SPAG16: variants seen among roughly 807,000 people sequenced by gnomAD.
SPAG16 encodes the protein sperm associated antigen 16, also known as sperm-associated antigen 16 protein.
A neutral mutation model predicts 80.4 loss-of-function variants in SPAG16; 86 were observed. The observed-to-expected ratio is 1.07, with a 90% CI of 0.90 to 1.28. The LOEUF (loss-of-function observed/expected upper bound fraction) is 1.28. SPAG16 is among the 50% of genes most tolerant of loss of function. SPAG16 has a pLI of 0.00. For missense variants in SPAG16, 870 were observed against 765.3 expected (o/e 1.14, Z -1.61); for synonymous variants, 294 against 265.9 (o/e 1.11, Z -1.03).
chr2:213,487,168 C>T (rs187426164), intron 9 of SPAG16, among the ~76,000 whole-genome samples: 2 of 152,038 alleles, frequency 1.3e-5, no homozygotes, highest in East Asian at 3.9e-4. Context: ...AACATGAGTG[C>T]CAGAGCCTTA....
intron 9 of SPAG16, among the ~76,000 whole-genome samples, chr2:213,394,462 C>T (rs902922462): frequency 1.4e-4 from 21 of 152,124 alleles, no homozygotes; most frequent in East Asian, 3.9e-4. Context: ...TTTCCCCTAA[C>T]GGTTACATCT....
chr2:214,381,396 T>TAAGAC, intron 15 of SPAG16, among the ~76,000 whole-genome samples: 1 of 152,192 alleles, frequency 6.6e-6, no homozygotes, highest in East Asian at 1.9e-4. Context: ...GCATAGAGCA[T>TAAGAC]AAGACATAAT....
At position 213,433,759 on chromosome 2, in the gene SPAG16, A is replaced by G. The variant is rs764107532; in HGVS notation, c.943-56204A>G. ...TATAAAGTATAATCTTAAAATTTATATGGAATCATAAAAGAGCCCAAATAG... is the reference window on the plus strand; with the variant it reads ...TATAAAGTATAATCTTAAAATTTATGTGGAATCATAAAAGAGCCCAAATAG... On this transcript the variant is annotated intron_variant, in intron 9 of 15. Transcript: ENST00000331683. Among the ~76,000 whole-genome samples, 18 of 152,136 alleles carry G rather than the reference A, an allele frequency of 1.2e-4. 1 individual carries two copies. The highest frequency in any genetic ancestry group is 2.4e-4 in the Non-Finnish European group (16 of 68,016).
chr2:213,601,224 A>T (rs930791477), intron 10 of SPAG16, among the ~76,000 whole-genome samples: 1 of 152,350 alleles, frequency 6.6e-6, no homozygotes, highest in Non-Finnish European at 1.5e-5. Flanking sequence ...GGAAGGGACC[A>T]GAGGTAATTG....
chr2:213,765,934 C>T (rs886587678), intron 10 of SPAG16, among the ~76,000 whole-genome samples: 5 of 152,130 alleles, frequency 3.3e-5, no homozygotes, highest in African/African-American at 9.7e-5. Flanking sequence ...CCTCAGTAAA[C>T]GAGAACAGGC....
At chr2:213,521,821 G>T (rs1314084106) in intron 10 of SPAG16, among the ~76,000 whole-genome samples, 2 of 152,320 alleles carry the variant, frequency 1.3e-5, no homozygotes, top group African/African-American at 2.4e-5. Flanking sequence ...TAAAATTTAT[G>T]TGTTACCATT....
chr2:214,286,509 G>A (rs114302794), intron 15 of SPAG16, among the ~76,000 whole-genome samples: 1 of 152,178 alleles, frequency 6.6e-6, no homozygotes, highest in Non-Finnish European at 1.5e-5. Flanking sequence ...CACTTTGTGA[G>A]GCTAAGGTGG....
At chr2:213,495,130 T>G (rs1386085853) in intron 10 of SPAG16, among the ~76,000 whole-genome samples, 2 of 152,204 alleles carry the variant, frequency 1.3e-5, no homozygotes, top group Non-Finnish European at 2.9e-5. Context: ...GATGGGTAGA[T>G]GCTCACCAAT....
At chr2:213,576,418 C>T (rs536899010) in intron 10 of SPAG16, among the ~76,000 whole-genome samples, 24 of 152,146 alleles carry the variant, frequency 1.6e-4, no homozygotes, top group African/African-American at 4.1e-4. Flanking sequence ...AGTGTGGCAA[C>T]TCCTTAAAGA....
At chr2:214,100,597 A>C (rs1366644380) in intron 13 of SPAG16, among the ~76,000 whole-genome samples, 3 of 151,964 alleles carry the variant, frequency 2.0e-5, no homozygotes, top group Non-Finnish European at 4.4e-5. Flanking sequence ...ATGTGTACTC[A>C]ATGTTTACCT....
At chr2:213,621,175 A>G (rs1484159389) in intron 10 of SPAG16, among the ~76,000 whole-genome samples, 2 of 152,108 alleles carry the variant, frequency 1.3e-5, no homozygotes, top group Non-Finnish European at 2.9e-5. Context: ...AAGAACTTAG[A>G]TTTTATTATT....
chr2:213,421,471 G>A (rs1294132742), intron 9 of SPAG16, among the ~76,000 whole-genome samples: 3 of 152,226 alleles, frequency 2.0e-5, no homozygotes, highest in African/African-American at 7.2e-5. Flanking sequence ...GTAGATGGTG[G>A]CAGGAGGCAG....
intron 6 of SPAG16, among the ~76,000 whole-genome samples, chr2:213,344,362 C>T (rs1283883420): frequency 1.3e-5 from 2 of 151,944 alleles, no homozygotes; most frequent in African/African-American, 4.8e-5. Flanking sequence ...AGTGAATCAA[C>T]CTTATTCACT....
chr2:213,773,585 C>A (rs1292015280), intron 10 of SPAG16, among the ~76,000 whole-genome samples: 1 of 151,914 alleles, frequency 6.6e-6, no homozygotes, highest in Non-Finnish European at 1.5e-5. Flanking sequence ...TGGAGTCTTT[C>A]TCTGTCGCCC....
intron 10 of SPAG16, among the ~76,000 whole-genome samples, chr2:213,752,080 T>C (rs1368551354): frequency 1.3e-5 from 2 of 152,188 alleles, no homozygotes; most frequent in Non-Finnish European, 2.9e-5. Flanking sequence ...ACAATTGCTT[T>C]TTAATTTTTC....
At chr2:214,210,720 C>T (rs1178646735) in intron 15 of SPAG16, among the ~76,000 whole-genome samples, 1 of 151,728 alleles carries the variant, frequency 6.6e-6, no homozygotes, top group Non-Finnish European at 1.5e-5. Context: ...ATATCAAAGG[C>T]CTTAGAAACA....
At chr2:214,011,624 C>T (rs565676872) in intron 12 of SPAG16, among the ~76,000 whole-genome samples, 2 of 152,178 alleles carry the variant, frequency 1.3e-5, no homozygotes, top group East Asian at 1.9e-4. Flanking sequence ...AGTTCTGGGT[C>T]GTGGTTTGTT....
intron 2 of SPAG16, 33 bp from the exon 3 acceptor site, chr2:213,297,229 C>T (rs768319325): frequency 1.3e-6 from 2 of 1,543,528 alleles, no homozygotes; most frequent in South Asian, 2.3e-5. Context: ...TTTCTGCTCA[C>T]TCTTCCTATC....
At chr2:213,309,909 A>G in intron 3 of SPAG16, 150 bp from the exon 4 acceptor site, 1 of 543,256 alleles carries the variant, frequency 1.8e-6, no homozygotes, top group Non-Finnish European at 3.2e-6. Context: ...ATCCCCAGTA[A>G]TTAAAATATT....
Sources: gnomAD v4.1 joint callset for allele counts (sites outside exome capture counted in the v4.1 genomes callset) on GRCh38, gnomAD v4.1.1 for gene constraint, MANE v1.5 for transcripts, NCBI Gene and HGNC (gene_info 2026-07-23, HGNC 2026-07-21) for gene names.